Variants in OCA2 observed in about 807,000 individuals in gnomAD.
OCA2 encodes OCA2 melanosomal transmembrane protein, also known as P protein.
Under a neutral mutation model 100.2 loss-of-function variants are expected in OCA2, and 77 were observed. That is an observed-to-expected ratio of 0.77 (90% CI 0.64 to 0.93). The LOEUF is 0.93. OCA2 is among the 40% of genes least tolerant of loss of function. The pLI is 0.00. For missense variants in OCA2, 1,062 were observed against 1,089.1 expected, an observed-to-expected ratio of 0.98 and a Z score of 0.35; for synonymous variants, 432 against 439.2, an observed-to-expected ratio of 0.98 and a Z score of 0.21.
At chr15:27,723,095 A>G in the OCA2 span, among the ~76,000 whole-genome samples, 1 of 151,754 alleles carries the variant, frequency 6.6e-6, no homozygotes, top group Non-Finnish European at 1.5e-5. Context: ...CGCCCGCCTC[A>G]CCCTCCCAAA....
chr15:27,891,522 G>A (rs778341185), intron 19 of OCA2, among the ~76,000 whole-genome samples: 6 of 152,170 alleles, frequency 3.9e-5, no homozygotes, highest in Non-Finnish European at 7.4e-5. Context: ...AAGGGGCATA[G>A]TATTTGCATA....
chr15:28,021,546 G>C lies in OCA2; in HGVS notation c.646+955C>G, dbSNP rs534922846. On this transcript the variant is annotated intron_variant, in intron 6 of 23. Transcript: ENST00000354638. The stretch of plus-strand genomic sequence containing the variant: ...AGGTCAAGTGTGGGCTCGCTTGAGC[G>C]TGGGAGCCTCTGAGAGCCACAGATG... Among the ~76,000 whole-genome samples the C allele has an allele frequency of 2.1e-3, 314 of 152,328 alleles. 1 individual carries two copies. Among genetic ancestry groups the C allele is most frequent in the African/African-American group, 7.4e-3 (306 of 41,574 alleles).
chr15:27,969,140 T>A (rs1324243685), intron 14 of OCA2, among the ~76,000 whole-genome samples: 2 of 152,080 alleles, frequency 1.3e-5, no homozygotes, highest in Non-Finnish European at 2.9e-5. Context: ...CCTGAGTAAT[T>A]CTTGGTCCCT....
At chr15:27,978,240 G>A (rs1286837245) in intron 14 of OCA2, among the ~76,000 whole-genome samples, 1 of 152,152 alleles carries the variant, frequency 6.6e-6, no homozygotes, top group Non-Finnish European at 1.5e-5. Context: ...AATGTTTCAA[G>A]TGCAGTTGGA....
rs764611478 is a variant in OCA2, at chr15:27,796,062, C to T, written c.2433-40590G>A. ...TTGTGCACCACTACCAGCCTGGTTA[C>T]GTACTCCCAGAAGGGAAAAGAAGAT... is the stretch of plus-strand genomic sequence containing the variant. On this transcript the variant is annotated intron_variant, in intron 23 of 23. Coordinates refer to ENST00000354638, the MANE Select transcript of OCA2 (RefSeq NM_000275.3). Among the ~76,000 whole-genome samples the T allele has an allele frequency of 3.3e-4, 50 of 152,324 alleles. 1 individual carries two copies. The highest frequency in any genetic ancestry group is 1.1e-3 in the African/African-American group (46 of 41,580).
At chr15:27,896,279 G>A in intron 19 of OCA2, 1 of 1,107,032 alleles carries the variant, frequency 9.0e-7, no homozygotes, top group Non-Finnish European at 1.4e-6. Flanking sequence ...AAGTACACCG[G>A]AAGCACATCA....
At chr15:28,008,153 C>G (rs1440113433) in intron 9 of OCA2, among the ~76,000 whole-genome samples, 1 of 152,236 alleles carries the variant, frequency 6.6e-6, no homozygotes, top group Admixed American at 6.5e-5. Flanking sequence ...GGAGCGCCCA[C>G]GACAAAGCAT....
chr15:27,946,535 T>A (rs1382507919), intron 18 of OCA2, among the ~76,000 whole-genome samples: 3 of 152,258 alleles, frequency 2.0e-5, no homozygotes, highest in African/African-American at 2.4e-5. Flanking sequence ...TTACCTTTTT[T>A]GTCTATAAGT....
chr15:27,889,107 C>T (rs2037350716), intron 19 of OCA2, among the ~76,000 whole-genome samples: 1 of 152,126 alleles, frequency 6.6e-6, no homozygotes, highest in Non-Finnish European at 1.5e-5. Context: ...AGTTAGAGGA[C>T]CCAGAATTCA....
chr15:28,011,991 G>A (rs145467686), intron 9 of OCA2, among the ~76,000 whole-genome samples: 1 of 148,738 alleles, frequency 6.7e-6, no homozygotes, highest in South Asian at 2.1e-4. Context: ...AAAAAAAAAG[G>A]AAAAAAAATT....
intron 14 of OCA2, among the ~76,000 whole-genome samples, chr15:27,980,338 A>T (rs1343816928): frequency 6.6e-6 from 1 of 151,916 alleles, no homozygotes; most frequent in East Asian, 2.0e-4. Flanking sequence ...CTTGTTAACC[A>T]GGATGGTCCT....
chr15:27,856,056 T>C (rs2035937099), intron 21 of OCA2, among the ~76,000 whole-genome samples: 1 of 152,164 alleles, frequency 6.6e-6, no homozygotes, highest in African/African-American at 2.4e-5. Context: ...GGTCCTTCCT[T>C]GCCCCACTGG....
At chr15:28,087,557 G>A (rs189143523) in intron 1 of OCA2, among the ~76,000 whole-genome samples, 1 of 152,180 alleles carries the variant, frequency 6.6e-6, no homozygotes, top group Non-Finnish European at 1.5e-5. Context: ...ACCAGCCTGG[G>A]CAACATGGCA....
chr15:28,066,059 T>C (rs1416500214), intron 2 of OCA2, among the ~76,000 whole-genome samples: 2 of 152,194 alleles, frequency 1.3e-5, no homozygotes, highest in African/African-American at 4.8e-5. Context: ...AATAAGTTAC[T>C]TTAGCAAGTT....
intron 14 of OCA2, among the ~76,000 whole-genome samples, chr15:27,971,548 G>A (rs1385398064): frequency 6.6e-6 from 1 of 152,150 alleles, no homozygotes; most frequent in Non-Finnish European, 1.5e-5. Context: ...TGGGGAATAA[G>A]TGGTTGTCCA....
At chr15:28,057,311 A>G (rs372210874) in intron 2 of OCA2, among the ~76,000 whole-genome samples, 2 of 152,254 alleles carry the variant, frequency 1.3e-5, no homozygotes, top group African/African-American at 2.4e-5. Flanking sequence ...TACAGGAGCT[A>G]GAATCCAATG....
the OCA2 span, among the ~76,000 whole-genome samples, chr15:27,723,982 A>G: frequency 6.6e-6 from 1 of 152,226 alleles, no homozygotes; most frequent in South Asian, 2.1e-4. Context: ...GTCAGCTCCT[A>G]TGTCCCAGTG....
chr15:27,801,350 A>AG (rs1293299859), intron 23 of OCA2, among the ~76,000 whole-genome samples: 9 of 152,136 alleles, frequency 5.9e-5, no homozygotes, highest in African/African-American at 2.2e-4. Flanking sequence ...TCAAGAGATC[A>AG]AGACCATCCT....
chr15:27,985,213 T>A, intron 12 of OCA2, 25 bp from the exon 13 acceptor site: 1 of 1,612,802 alleles, frequency 6.2e-7, no homozygotes, highest in South Asian at 1.1e-5. Flanking sequence ...ACAGAGAGAG[T>A]ACAAGCCAGA....
Sources: gnomAD v4.1 joint callset for allele counts (sites outside exome capture counted in the v4.1 genomes callset) on GRCh38, gnomAD v4.1.1 for gene constraint, MANE v1.5 for transcripts, NCBI Gene and HGNC (gene_info 2026-07-23, HGNC 2026-07-21) for gene names.